TRIM25: variants seen among roughly 807,000 people sequenced by gnomAD.
TRIM25 encodes the protein E3 ubiquitin/ISG15 ligase TRIM25.
In TRIM25, 45 loss-of-function variants were observed where a neutral mutation model predicts 65.2. The observed-to-expected ratio is 0.69, with a 90% confidence interval of 0.54 to 0.89. TRIM25 has a LOEUF of 0.89. TRIM25 is among the 40% of genes least tolerant of loss of function. The pLI is 0.00. For synonymous variants in TRIM25, 321 were observed against 340.4 expected (o/e 0.94, Z 0.63); for missense variants, 714 against 803.7 (o/e 0.89, Z 1.35).
chr17:56,895,402 G>A lies in TRIM25; in HGVS notation c.1304C>T (p.Ser435Phe), dbSNP rs376076833. 1.2e-6 allele frequency: 2 copies of A among 1,614,092 alleles called. No individual in the cohort carries two copies. Among genetic ancestry groups the A allele is most frequent in the African/African-American group, 2.7e-5 (2 of 74,918 alleles). ...GGTCTCCAGCACCTTGGCCTTGAGA[G>A]ATGTTGAGTTCGGATGTGAGCTGGT... ...KATSSHPNST[S>F]LKAKVLETFL... Residue 435 changes from serine to phenylalanine, a missense_variant, in exon 8 of 9, where the codon TCT becomes TTT. This residue lies in a region of TRIM25 where 413 missense variants were observed against 498.2 expected (regional missense o/e 0.83). Transcript: ENST00000316881.
At chr17:56,896,912 C>T (rs1909305571) in intron 5 of TRIM25, among the ~76,000 whole-genome samples, 1 of 151,448 alleles carries the variant, frequency 6.6e-6, no homozygotes. Context: ...CAAGATCAGC[C>T]TGGACAACAT....
rs376261652 is a variant in TRIM25 at position 56,910,030 on chromosome 17, G to T, written c.598-1467C>A. On this transcript the variant is annotated intron_variant, in intron 1 of 8. Transcript: ENST00000316881. ...AGGTAGGAATTACCCAGCCTTTACA[G>T]ACAAGGACACTGAGGCACAGAACAA... is the stretch of plus-strand genomic sequence containing the variant. 5.9e-5 allele frequency among the ~76,000 whole-genome samples: 9 copies of T among 152,224 alleles called. 1 individual carries two copies. Among genetic ancestry groups the T allele is most frequent in the East Asian group, 1.9e-4 (1 of 5,188 alleles).
chr17:56,908,449 G>T lies in TRIM25; in HGVS notation c.693+19C>A. 6.2e-7 allele frequency: 1 copy of T among 1,611,774 alleles called. No homozygotes were observed. Among genetic ancestry groups the T allele is most frequent in the Non-Finnish European group, 8.5e-7 (1 of 1,179,158 alleles). On this transcript the variant is annotated intron_variant, in intron 2 of 8. Coordinates refer to ENST00000316881, the MANE Select transcript of TRIM25 (RefSeq NM_005082.5). ...GAAGCCACAGGGCAGGGCTGGCCTT[G>T]GAGAGCCCTGCCACTCACCCGCACA...
chr17:56,899,296 A>G, intron 4 of TRIM25, 116 bp from the exon 5 acceptor site: 1 of 977,896 alleles, frequency 1.0e-6, no homozygotes, highest in Non-Finnish European at 1.6e-6. Context: ...ATTTCCTCCG[A>G]CCTTCCCCAT....
intron 8 of TRIM25, 151 bp downstream of exon 8, chr17:56,895,192 G>A (rs995237629): frequency 5.8e-5 from 36 of 623,012 alleles, no homozygotes; most frequent in Non-Finnish European, 8.2e-5. Flanking sequence ...AGGCACTGAT[G>A]ACTGGGAGAA....
chr17:56,906,742 G>A (rs1411027914), intron 2 of TRIM25, among the ~76,000 whole-genome samples: 3 of 152,202 alleles, frequency 2.0e-5, no homozygotes, highest in African/African-American at 4.8e-5. Context: ...TGATCCATGC[G>A]TCTCGGCCTC....
chr17:56,891,342 C>A lies in TRIM25; in HGVS notation c.*358G>T. Reference sequence around the variant, plus strand: ...AGGGGCAGCCTTCAGATCCAAGTGGCCCAAGACAGAACCTACAGTAGCTAT... The same window carrying A: ...AGGGGCAGCCTTCAGATCCAAGTGGACCAAGACAGAACCTACAGTAGCTAT... On this transcript the variant is annotated 3_prime_UTR_variant, in exon 9 of 9. Transcript: ENST00000316881. 3.0e-6 allele frequency: 1 copy of A among 330,910 alleles called. No homozygotes were observed. Among genetic ancestry groups the A allele is most frequent in the South Asian group, 2.9e-5 (1 of 33,918 alleles). The allele number at this position is 330,910 out of a possible 1,614,324, so 20.5% of individuals were successfully genotyped here.
At chr17:56,906,807 C>G (rs967080044) in intron 2 of TRIM25, among the ~76,000 whole-genome samples, 3 of 152,192 alleles carry the variant, frequency 2.0e-5, no homozygotes, top group African/African-American at 4.8e-5. Flanking sequence ...CTTTGCCAAT[C>G]TTTCACTGTG....
intron 3 of TRIM25, among the ~76,000 whole-genome samples, chr17:56,903,212 C>G (rs1909448325): frequency 6.6e-6 from 1 of 152,148 alleles, no homozygotes; most frequent in African/African-American, 2.4e-5. Context: ...ACCAGCCTGG[C>G]CAACATGGTG....
chr17:56,897,912 T>C (rs551772697), intron 5 of TRIM25, among the ~76,000 whole-genome samples: 1 of 152,330 alleles, frequency 6.6e-6, no homozygotes, highest in South Asian at 2.1e-4. Context: ...GCACCAGGCA[T>C]CCCAGCCCTG....
At chr17:56,897,285 G>A (rs1030527310) in intron 5 of TRIM25, among the ~76,000 whole-genome samples, 3 of 152,048 alleles carry the variant, frequency 2.0e-5, no homozygotes, top group Non-Finnish European at 2.9e-5. Flanking sequence ...CACAACACTG[G>A]AACAAAAAGG....
intron 1 of TRIM25, among the ~76,000 whole-genome samples, chr17:56,912,561 A>G (rs1281618905): frequency 1.3e-5 from 2 of 152,130 alleles, no homozygotes; most frequent in Admixed American, 1.3e-4. Flanking sequence ...CATGACCTCA[A>G]GCTTCCTGGA....
rs747047504 is a variant in TRIM25, at chr17:56,890,539, AG to A, written c.*1160del. 2.2e-6 allele frequency: 1 copy of A among 453,120 alleles called. No homozygotes were observed. The highest frequency in any genetic ancestry group is 4.4e-6 in the Non-Finnish European group (1 of 226,160). The allele number at this position is 453,120 out of a possible 1,614,324, so 28.1% of individuals were successfully genotyped here. On this transcript the variant is annotated 3_prime_UTR_variant, in exon 9 of 9. Transcript: ENST00000316881. ...AACAGGAATGTTCCTGTTCCCCATG[AG>A]GTTTGCTAAAAGACCCCTTTGGTGG...
At position 56,904,255 on chromosome 17, in the gene TRIM25, C is replaced by G. The variant is rs1047163727; in HGVS notation, c.927G>C (p.Glu309Asp). 9 of 1,609,146 alleles carry G rather than the reference C, an allele frequency of 5.6e-6. No homozygotes were observed. The Admixed American group carries it at 1.0e-4, about 18-fold the overall frequency. Residue 309 changes from glutamate to aspartate, a missense_variant and splice_region_variant, in exon 3 of 9, where the codon GAG becomes GAC. Transcript: ENST00000316881. ...LTKRDEFEFLEKASKLRGIST... is the reference protein window; with the variant it reads ...LTKRDEFEFLDKASKLRGIST... ...TCAACAATGCCTTGTGGCGACCTAC[C>G]TCCAGAAACTCGAACTCATCCCTCT...
chr17:56,891,639 T>C lies in TRIM25; in HGVS notation c.*61A>G. ...ATTATCCAAGGAGAGTTCTGCCTGCTGTATTTTCACTAGGGTCTTGGGACT... is the reference window on the plus strand; with the variant it reads ...ATTATCCAAGGAGAGTTCTGCCTGCCGTATTTTCACTAGGGTCTTGGGACT... On this transcript the variant is annotated 3_prime_UTR_variant, in exon 9 of 9. Coordinates refer to ENST00000316881, the MANE Select transcript of TRIM25 (RefSeq NM_005082.5). 6.9e-7 allele frequency: 1 copy of C among 1,456,970 alleles called. No homozygotes were observed. Among genetic ancestry groups the C allele is most frequent in the Admixed American group, 2.0e-5 (1 of 50,090 alleles). The allele number at this position is 1,456,970 out of a possible 1,614,324, so 90.3% of individuals were successfully genotyped here.
chr17:56,889,477 CAAGGCTAGGTTATGT>C lies in TRIM25; in HGVS notation c.*2208_*2222del, dbSNP rs1201679694. ...ACTCCAGGGTTGTGTGGCGGCCCTG[CAAGGCTAGGTTATGT>C]AAGGTCTCACCATTGCAAACAGAAT... On this transcript the variant is annotated 3_prime_UTR_variant, in exon 9 of 9. Transcript: ENST00000316881. 1 of 325,088 alleles carries C rather than the reference CAAGGCTAGGTTATGT, an allele frequency of 3.1e-6. No individual in the cohort carries two copies. Among genetic ancestry groups the C allele is most frequent in the African/African-American group, 2.1e-5 (1 of 47,212 alleles). The allele number at this position is 325,088 out of a possible 1,614,324, so 20.1% of individuals were successfully genotyped here. A position where few individuals can be genotyped will look rare whatever the true frequency, so the allele number is the denominator to read the frequency against.
At chr17:56,895,678 C>T in intron 6 of TRIM25, 74 bp from the exon 7 acceptor site, 1 of 1,437,422 alleles carries the variant, frequency 7.0e-7, no homozygotes, top group Non-Finnish European at 9.4e-7. Flanking sequence ...TGATTAAGAG[C>T]CACTTCTACA....
intron 5 of TRIM25, among the ~76,000 whole-genome samples, chr17:56,898,625 TA>T (rs1215246082): frequency 6.6e-6 from 1 of 151,860 alleles, no homozygotes; most frequent in Non-Finnish European, 1.5e-5. Context: ...TGGGTGGTAT[TA>T]AAATTTCATG....
intron 8 of TRIM25, among the ~76,000 whole-genome samples, chr17:56,894,084 A>C (rs1909237752): frequency 6.6e-6 from 1 of 152,196 alleles, no homozygotes; most frequent in Non-Finnish European, 1.5e-5. Context: ...ACGCAGCCAC[A>C]GTTGAGAGCC....
Sources: allele counts gnomAD v4.1 joint callset (sites outside exome capture counted in the v4.1 genomes callset), GRCh38; gene constraint gnomAD v4.1.1; regional missense constraint gnomAD v4.1.1; transcripts MANE v1.5; gene names NCBI Gene and HGNC (gene_info 2026-07-23, HGNC 2026-07-21).